Variants in WARS2 observed in about 807,000 individuals in gnomAD.
WARS2 encodes tryptophanyl tRNA synthetase 2, mitochondrial, also known as tryptophan--tRNA ligase, mitochondrial.
In WARS2, 28 loss-of-function variants were observed where a neutral mutation model predicts 36.5. That is an observed-to-expected ratio of 0.77 (90% CI 0.57 to 1.05). WARS2 has a LOEUF of 1.05. Among genes scored for constraint, WARS2 ranks in the 50% least tolerant of loss-of-function variants. The pLI, the probability that WARS2 is intolerant of heterozygous loss-of-function variation, is 0.00. For missense variants in WARS2, 435 were observed against 456.8 expected (o/e 0.95, Z 0.44); for synonymous variants, 174 against 178.4 (o/e 0.98, Z 0.20).
rs997236171 is a variant in WARS2 at position 119,031,533 on chromosome 1, A to G, written c.*1378T>C. 2.6e-5 allele frequency: 4 copies of G among 152,250 alleles called. No individual in the cohort carries two copies. Among genetic ancestry groups the G allele is most frequent in the African/African-American group, 7.2e-5 (3 of 41,466 alleles). The allele number at this position is 152,250 out of a possible 1,614,324, so 9.4% of individuals were successfully genotyped here. A position where few individuals can be genotyped will look rare whatever the true frequency, so the allele number is the denominator to read the frequency against. ...AACATGAGCAAAAATGCTTTGCTCAACAACCTAGTTATGTATGTACAAATG... is the reference window on the plus strand; with the variant it reads ...AACATGAGCAAAAATGCTTTGCTCAGCAACCTAGTTATGTATGTACAAATG... On this transcript the variant is annotated 3_prime_UTR_variant, in exon 6 of 6. Coordinates refer to ENST00000235521, the MANE Select transcript of WARS2 (RefSeq NM_015836.4).
At position 119,132,729 on chromosome 1, in the gene WARS2, G is replaced by C. The variant is rs1292323987; in HGVS notation, c.90+7826C>G. Among the ~76,000 whole-genome samples, 8 of 152,144 alleles carry C rather than the reference G, an allele frequency of 5.3e-5. No individual in the cohort carries two copies. In the South Asian group the frequency reaches 1.4e-3, roughly 28 times the overall value. ...GAGGAGTGTGACAAAAAGTTCATGA[G>C]AAGCCCTTTGTTTGATGTATAAAAT... On this transcript the variant is annotated intron_variant, in intron 1 of 5. Coordinates refer to ENST00000235521, the MANE Select transcript of WARS2 (RefSeq NM_015836.4).
At chr1:119,040,423 G>C (rs1207328829) in intron 4 of WARS2, among the ~76,000 whole-genome samples, 2 of 152,182 alleles carry the variant, frequency 1.3e-5, no homozygotes, top group Admixed American at 6.5e-5. Flanking sequence ...TACAGCTCTT[G>C]AACTATTAAG....
intron 2 of WARS2, among the ~76,000 whole-genome samples, chr1:119,069,785 T>A (rs1326270868): frequency 1.3e-5 from 2 of 152,130 alleles, no homozygotes; most frequent in African/African-American, 4.8e-5. Flanking sequence ...TTGTGGGGAA[T>A]GAACTGCCAA....
chr1:119,040,919 A>G (rs1331470431), intron 4 of WARS2, among the ~76,000 whole-genome samples: 1 of 152,202 alleles, frequency 6.6e-6, no homozygotes, highest in Non-Finnish European at 1.5e-5. Context: ...CTAGCCTTTT[A>G]AATAAGTCAA....
intron 1 of WARS2, among the ~76,000 whole-genome samples, chr1:119,117,663 A>G (rs1655060896): frequency 1.3e-5 from 2 of 152,062 alleles, no homozygotes; most frequent in South Asian, 4.1e-4. Context: ...CGAAACTACA[A>G]CCGAGGACTT....
chr1:119,040,986 A>C (rs1648309022), intron 4 of WARS2, among the ~76,000 whole-genome samples: 1 of 152,240 alleles, frequency 6.6e-6, no homozygotes, highest in Non-Finnish European at 1.5e-5. Flanking sequence ...AAGTTAATAC[A>C]ACAAACAGAC....
intron 1 of WARS2, among the ~76,000 whole-genome samples, chr1:119,114,206 A>G (rs1332647579): frequency 6.6e-6 from 1 of 152,122 alleles, no homozygotes; most frequent in East Asian, 1.9e-4. Flanking sequence ...TTCCTCTTTT[A>G]TTTTTAAACC....
At chr1:119,036,333 G>A (rs1212022850) in intron 4 of WARS2, among the ~76,000 whole-genome samples, 1 of 152,180 alleles carries the variant, frequency 6.6e-6, no homozygotes, top group East Asian at 1.9e-4. Flanking sequence ...ATCAGTGAGT[G>A]GCAAAAACAA....
At chr1:119,138,598 G>A (rs1557766079) in intron 1 of WARS2, among the ~76,000 whole-genome samples, 1 of 151,992 alleles carries the variant, frequency 6.6e-6, no homozygotes, top group Non-Finnish European at 1.5e-5. Flanking sequence ...TTTTTTCTAT[G>A]TATACGTTTA....
chr1:119,099,229 C>T (rs1169663237), intron 1 of WARS2, among the ~76,000 whole-genome samples: 1 of 152,098 alleles, frequency 6.6e-6, no homozygotes, highest in East Asian at 1.9e-4. Context: ...CAAGAGCACT[C>T]CTAATTCAGC....
intron 2 of WARS2, among the ~76,000 whole-genome samples, chr1:119,054,009 A>T (rs1035452186): frequency 2.0e-5 from 3 of 152,052 alleles, no homozygotes; most frequent in African/African-American, 7.2e-5. Flanking sequence ...GTGAGCTATG[A>T]TAACACCACT....
At chr1:119,073,952 C>T (rs1651521372) in intron 2 of WARS2, among the ~76,000 whole-genome samples, 1 of 152,154 alleles carries the variant, frequency 6.6e-6, no homozygotes, top group African/African-American at 2.4e-5. Context: ...TTAAAGATCA[C>T]TTTAAAAAGC....
At chr1:119,127,824 G>A (rs924048413) in intron 1 of WARS2, among the ~76,000 whole-genome samples, 1 of 151,602 alleles carries the variant, frequency 6.6e-6, no homozygotes, top group African/African-American at 2.4e-5. Flanking sequence ...ATCTTTACTT[G>A]CTCTAATGGT....
intron 1 of WARS2, among the ~76,000 whole-genome samples, chr1:119,109,235 T>A (rs1334193487): frequency 6.6e-6 from 1 of 152,008 alleles, no homozygotes; most frequent in African/African-American, 2.4e-5. Flanking sequence ...ATTCAGTTGA[T>A]TTATGGAGTG....
chr1:119,107,667 AAGAAAGAG>A, intron 1 of WARS2, among the ~76,000 whole-genome samples: 1 of 75,164 alleles, frequency 1.3e-5, no homozygotes, highest in South Asian at 3.3e-4. Context: ...GAAATAGAAA[AAGAAAGAG>A]AGAGAGAGAG....
At chr1:119,077,055 T>C (rs1355091657) in intron 1 of WARS2, among the ~76,000 whole-genome samples, 1 of 140,512 alleles carries the variant, frequency 7.1e-6, no homozygotes, top group African/African-American at 2.6e-5. Flanking sequence ...GGAGAATTGC[T>C]TGAACCTGGG....
chr1:119,033,272 G>C lies in WARS2; in HGVS notation c.722C>G (p.Thr241Arg). The C allele has an allele frequency of 6.2e-7, 1 of 1,614,244 alleles. No individual in the cohort carries two copies. The highest frequency in any genetic ancestry group is 8.5e-7 in the Non-Finnish European group (1 of 1,180,044). ...CTGCACTATCTCCTCTGGGCTGTCT[G>C]TTATTCGGACGGTGGCCAGTTTGTC... ...DPDKLATVRI[T>R]DSPEEIVQKF... Residue 241 changes from threonine (T) to arginine (R), a missense_variant, in exon 6 of 6, where the codon ACA becomes AGA. By Grantham distance (71) the Thr-to-Arg change is moderately conservative. Transcript: ENST00000235521.
rs752276399 is a variant in WARS2, at chr1:119,085,446, GTC to G, written c.91-8841_91-8840del. On this transcript the variant is annotated intron_variant, in intron 1 of 5. Coordinates refer to ENST00000235521, the MANE Select transcript of WARS2 (RefSeq NM_015836.4). ...CTCTGCCTGTACCTCCCAGTCAGTT[GTC>G]TCTTTTTCTTTTTTTCCTTTTTGTC... 17 of 1,514,336 alleles carry G rather than the reference GTC, an allele frequency of 1.1e-5. No individual in the cohort carries two copies. The African/African-American group carries it at 1.3e-4, about 11-fold the overall frequency. 93.8% of individuals were successfully genotyped at this position (1,514,336 alleles called of 1,614,324 possible). A position where few individuals can be genotyped will look rare whatever the true frequency, so the allele number is the denominator to read the frequency against.
chr1:119,067,967 T>G (rs1651008912), intron 2 of WARS2, among the ~76,000 whole-genome samples: 1 of 152,182 alleles, frequency 6.6e-6, no homozygotes, highest in Non-Finnish European at 1.5e-5. Context: ...GGCAAGGAAG[T>G]GGTATTATTG....
Sources: gnomAD v4.1 joint callset for allele counts (sites outside exome capture counted in the v4.1 genomes callset) on GRCh38, gnomAD v4.1.1 for gene constraint, MANE v1.5 for transcripts, NCBI Gene and HGNC (gene_info 2026-07-23, HGNC 2026-07-21) for gene names.